SCFD2: variants seen among roughly 807,000 people sequenced by gnomAD.
SCFD2 encodes sec1 family domain-containing protein 2.
SCFD2 carries 54 observed loss-of-function variants against 58.9 expected under a neutral mutation model. The observed-to-expected ratio is 0.92, with a 90% CI of 0.74 to 1.15. SCFD2 has a LOEUF of 1.15. Among genes scored for constraint, SCFD2 ranks in the 50% most tolerant of loss-of-function variants. The pLI is 0.00. For synonymous variants in SCFD2, 321 were observed against 335.9 expected (o/e 0.96, Z 0.49); for missense variants, 805 against 836.6 (o/e 0.96, Z 0.47).
chr4:52,900,316 A>C (rs1278507619), intron 7 of SCFD2, among the ~76,000 whole-genome samples: 1 of 152,198 alleles, frequency 6.6e-6, no homozygotes, highest in East Asian at 1.9e-4. Context: ...GGTGACGTAC[A>C]GATGGGTTTT....
chr4:53,045,708 G>C (rs1256828446), intron 5 of SCFD2, among the ~76,000 whole-genome samples: 10 of 152,094 alleles, frequency 6.6e-5, no homozygotes, highest in Non-Finnish European at 1.5e-5. Context: ...TAGATAGATA[G>C]AGTGGGTGTT....
chr4:52,887,292 C>T (rs1309989671), intron 7 of SCFD2, among the ~76,000 whole-genome samples: 1 of 152,162 alleles, frequency 6.6e-6, no homozygotes, highest in Non-Finnish European at 1.5e-5. Context: ...GTCCATGTTG[C>T]ATGGAACCTA....
intron 4 of SCFD2, among the ~76,000 whole-genome samples, chr4:53,249,270 G>A (rs1329421569): frequency 6.6e-6 from 1 of 152,060 alleles, no homozygotes; most frequent in Non-Finnish European, 1.5e-5. Context: ...AGAACAAAAA[G>A]AAACGAACAA....
intron 3 of SCFD2, among the ~76,000 whole-genome samples, chr4:53,310,106 G>A (rs751928665): frequency 3.3e-5 from 5 of 152,154 alleles, no homozygotes; most frequent in Non-Finnish European, 7.4e-5. Context: ...CAAAGAGGTC[G>A]AGAAGGATGG....
At chr4:53,241,935 A>T (rs962738486) in intron 4 of SCFD2, among the ~76,000 whole-genome samples, 1 of 152,238 alleles carries the variant, frequency 6.6e-6, no homozygotes, top group Non-Finnish European at 1.5e-5. Flanking sequence ...ACATGTACAG[A>T]GGACATACAA....
intron 5 of SCFD2, among the ~76,000 whole-genome samples, chr4:53,062,413 AATAGT>A (rs1723542112): frequency 6.6e-6 from 1 of 151,666 alleles, no homozygotes; most frequent in Non-Finnish European, 1.5e-5. Context: ...TAATAATAAT[AATAGT>A]CTCTCATTAA....
At chr4:53,329,782 C>T (rs1335953151) in intron 2 of SCFD2, among the ~76,000 whole-genome samples, 65 of 151,452 alleles carry the variant, frequency 4.3e-4, no homozygotes, top group Non-Finnish European at 8.3e-4. Flanking sequence ...AGGCTTCAGA[C>T]GATCAAATTA....
chr4:53,299,209 T>C (rs1048587907), intron 3 of SCFD2, among the ~76,000 whole-genome samples: 4 of 152,116 alleles, frequency 2.6e-5, no homozygotes, highest in African/African-American at 4.8e-5. Flanking sequence ...AAAAGTTAGA[T>C]GAATGGATAA....
intron 4 of SCFD2, among the ~76,000 whole-genome samples, chr4:53,264,136 G>A (rs79567648): frequency 0.017 from 2,553 of 152,262 alleles, 79 homozygotes; most frequent in African/African-American, 0.058. Context: ...CTAAAGGCTG[G>A]TATCATGCCC....
intron 6 of SCFD2, among the ~76,000 whole-genome samples, chr4:52,909,347 A>G (rs1719428629): frequency 6.6e-6 from 1 of 152,234 alleles, no homozygotes; most frequent in African/African-American, 2.4e-5. Flanking sequence ...GAGGAATGCC[A>G]TGAAAGAGAA....
At chr4:53,292,255 C>T (rs1420421371) in intron 3 of SCFD2, among the ~76,000 whole-genome samples, 1 of 151,918 alleles carries the variant, frequency 6.6e-6, no homozygotes, top group African/African-American at 2.4e-5. Context: ...ATCCTTAGAG[C>T]AAACACACAA....
chr4:53,312,987 T>G (rs537245267), intron 3 of SCFD2, among the ~76,000 whole-genome samples: 1 of 152,092 alleles, frequency 6.6e-6, no homozygotes, highest in Non-Finnish European at 1.5e-5. Flanking sequence ...AATCAACGCA[T>G]TACTTCTGTG....
chr4:53,165,162 T>C (rs1726969435), intron 4 of SCFD2, among the ~76,000 whole-genome samples: 1 of 152,230 alleles, frequency 6.6e-6, no homozygotes, highest in Non-Finnish European at 1.5e-5. Flanking sequence ...CTCTGTTTCC[T>C]AGGAAAACAG....
intron 2 of SCFD2, among the ~76,000 whole-genome samples, chr4:53,350,625 C>A (rs1734188822): frequency 6.6e-6 from 1 of 152,188 alleles, no homozygotes; most frequent in South Asian, 2.1e-4. Context: ...TGTCTGTCAT[C>A]TCTTTAAATC....
chr4:53,181,193 G>A (rs1195865749), intron 4 of SCFD2, among the ~76,000 whole-genome samples: 1 of 152,120 alleles, frequency 6.6e-6, no homozygotes, highest in Non-Finnish European at 1.5e-5. Context: ...GCCTGGCAGA[G>A]ACACAACCAA....
At chr4:53,255,687 C>T (rs1395612219) in intron 4 of SCFD2, among the ~76,000 whole-genome samples, 3 of 152,246 alleles carry the variant, frequency 2.0e-5, no homozygotes, top group Non-Finnish European at 4.4e-5. Flanking sequence ...TTCCACAAAA[C>T]CTCCATTGTC....
chr4:53,344,159 G>C (rs1008915616), intron 2 of SCFD2, among the ~76,000 whole-genome samples: 1 of 151,696 alleles, frequency 6.6e-6, no homozygotes, highest in Non-Finnish European at 1.5e-5. Flanking sequence ...AAGTCAAATT[G>C]TCTCTGTTTG....
At chr4:53,284,715 G>T (rs1731611316) in intron 3 of SCFD2, among the ~76,000 whole-genome samples, 2 of 152,066 alleles carry the variant, frequency 1.3e-5, no homozygotes, top group African/African-American at 4.8e-5. Context: ...ATTTAAGTCA[G>T]CCATAAGAAA....
rs555196447 is a variant in SCFD2, at chr4:53,079,240, G to T, written c.1561+66093C>A. On this transcript the variant is annotated intron_variant, in intron 5 of 8. Transcript: ENST00000401642. ...CCAAGAACCAGGAGCACTGATGTCT[G>T]GGGGGCAGAAGATGGATGTCCCAGC... 2.6e-5 allele frequency among the ~76,000 whole-genome samples: 4 copies of T among 152,236 alleles called. No individual in the cohort carries two copies. The South Asian group carries it at 8.3e-4, about 32-fold the overall frequency.
Sources: allele counts gnomAD v4.1 joint callset (sites outside exome capture counted in the v4.1 genomes callset), GRCh38; gene constraint gnomAD v4.1.1; transcripts MANE v1.5; gene names NCBI Gene and HGNC (gene_info 2026-07-23, HGNC 2026-07-21).